Variants in COL15A1 observed in about 807,000 individuals in gnomAD.
COL15A1 encodes the protein collagen type XV alpha 1 chain.
COL15A1 carries 111 observed loss-of-function variants against 165.9 expected under a neutral mutation model. That is an observed-to-expected ratio of 0.67 (90% CI 0.57 to 0.78). The LOEUF is 0.78. COL15A1 is among the 30% of genes least tolerant of loss of function. The pLI is 0.00. For synonymous variants in COL15A1, 659 were observed against 674.8 expected (o/e 0.98, Z 0.36); for missense variants, 1,745 against 1,789.7 (o/e 0.98, Z 0.45).
Position 99,067,053 on chromosome 9 carries a change from A to G in COL15A1, c.3823A>G (p.Ile1275Val), listed in dbSNP as rs2118012386. 4.3e-6 allele frequency: 7 copies of G among 1,613,466 alleles called. No homozygotes were observed. The highest frequency in any genetic ancestry group is 5.1e-6 in the Non-Finnish European group (6 of 1,179,696). ...GAAAGCAGAGAGATACAGCCTTCCCATAGTGAACCTCAAGGTAAAAATAAA... is the reference window on the plus strand; with the variant it reads ...GAAAGCAGAGAGATACAGCCTTCCCGTAGTGAACCTCAAGGTAAAAATAAA... ...VRKAERYSLP[I>V]VNLKGQVLFN... The change falls in exon 40 of 42, where the codon ATA becomes GTA. Residue 1275 changes from isoleucine to valine, a missense_variant. Physicochemically the swap from Ile to Val is conservative, Grantham distance 29. Transcript: ENST00000375001.
Position 99,020,459 on chromosome 9 carries a change from T to A in COL15A1, c.1701+17T>A. 6.3e-7 allele frequency: 1 copy of A among 1,586,962 alleles called. No homozygotes were observed. The highest frequency in any genetic ancestry group is 8.7e-7 in the Non-Finnish European group (1 of 1,155,400). ...GGAGAAAAGGTTTGTGCTGTGACCATCCTGGGGAACACTTTGGCTCCTGAT... is the reference window on the plus strand; with the variant it reads ...GGAGAAAAGGTTTGTGCTGTGACCAACCTGGGGAACACTTTGGCTCCTGAT... On this transcript the variant is annotated intron_variant, in intron 12 of 41. Transcript: ENST00000375001.
intron 16 of COL15A1, among the ~76,000 whole-genome samples, chr9:99,033,625 A>C (rs1839245941): frequency 6.6e-6 from 1 of 152,154 alleles, no homozygotes. Context: ...CTTATTTTTG[A>C]GCACGGCTAT....
Position 99,013,083 on chromosome 9 carries a change from T to C in COL15A1, c.1354-2334T>C, listed in dbSNP as rs548749471. On this transcript the variant is annotated intron_variant, in intron 9 of 41. Transcript: ENST00000375001. The stretch of plus-strand genomic sequence containing the variant: ...AGTGGAGTGTGTCAAAGTGTGCTGG[T>C]TGCGGGTGAGACTCTACAGTGTGTC... 1.8e-4 allele frequency among the ~76,000 whole-genome samples: 27 copies of C among 152,234 alleles called. No homozygotes were observed. In the East Asian group the frequency reaches 4.8e-3, roughly 27 times the overall value.
intron 2 of COL15A1, among the ~76,000 whole-genome samples, chr9:98,974,938 G>A (rs1305713009): frequency 6.6e-6 from 1 of 151,730 alleles, no homozygotes; most frequent in East Asian, 1.9e-4. Context: ...TCTAGGCCTG[G>A]CTTGGCCAAA....
Position 99,034,027 on chromosome 9 carries a change from A to G in COL15A1, c.2044-522A>G, listed in dbSNP as rs535623015. Among the ~76,000 whole-genome samples, 6 of 152,198 alleles carry G rather than the reference A, an allele frequency of 3.9e-5. No individual in the cohort carries two copies. In the South Asian group the frequency reaches 1.2e-3, roughly 32 times the overall value. ...TGGGTGTGGACATGCAACCTGCCCTAATGCAACCTCCTCCCCAATTCTGTC... is the reference window on the plus strand; with the variant it reads ...TGGGTGTGGACATGCAACCTGCCCTGATGCAACCTCCTCCCCAATTCTGTC... On this transcript the variant is annotated intron_variant, in intron 16 of 41. Coordinates refer to ENST00000375001, the MANE Select transcript of COL15A1 (RefSeq NM_001855.5).
chr9:99,014,509 A>G (rs1369650452), intron 9 of COL15A1, among the ~76,000 whole-genome samples: 2 of 152,224 alleles, frequency 1.3e-5, no homozygotes, highest in Non-Finnish European at 2.9e-5. Context: ...AAATTGTCCT[A>G]TTGGTTTGAA....
chr9:99,020,554 A>T, intron 12 of COL15A1, 112 bp downstream of exon 12: 2 of 746,380 alleles, frequency 2.7e-6, no homozygotes, highest in Non-Finnish European at 4.7e-6. Context: ...AGAAGCAGCA[A>T]GAGGGCTAAG....
intron 2 of COL15A1, among the ~76,000 whole-genome samples, chr9:98,978,983 A>G (rs971127834): frequency 6.6e-6 from 1 of 152,124 alleles, no homozygotes; most frequent in African/African-American, 2.4e-5. Context: ...ACTGATAGCA[A>G]TTCACTTCTG....
At chr9:98,981,998 T>C (rs1387756006) in intron 2 of COL15A1, among the ~76,000 whole-genome samples, 1 of 152,156 alleles carries the variant, frequency 6.6e-6, no homozygotes, top group Non-Finnish European at 1.5e-5. Context: ...AGATGGTCTC[T>C]CTGTGTTGCC....
chr9:98,954,637 G>A (rs776143392), intron 2 of COL15A1, among the ~76,000 whole-genome samples: 6 of 152,176 alleles, frequency 3.9e-5, no homozygotes, highest in Non-Finnish European at 8.8e-5. Context: ...TGTATTTGAC[G>A]ACTTCTGCAA....
intron 2 of COL15A1, among the ~76,000 whole-genome samples, chr9:98,970,580 C>T (rs1470223010): frequency 2.6e-5 from 4 of 152,308 alleles, no homozygotes; most frequent in Admixed American, 6.5e-5. Flanking sequence ...TGTGGAAGGG[C>T]TTTCAATGAT....
chr9:99,066,891 G>C lies in COL15A1; in HGVS notation c.3661G>C (p.Ala1221Pro). The C allele has an allele frequency of 6.2e-7, 1 of 1,612,398 alleles. No homozygotes were observed. The highest frequency in any genetic ancestry group is 8.5e-7 in the Non-Finnish European group (1 of 1,179,382). ...GTCTCACATTTTTCAGCTGCATTTG[G>C]CTGCTCTGAACATGCCATTTTCTGG... is the stretch of plus-strand genomic sequence containing the variant. ...ANYEKPALHL[A>P]ALNMPFSGDI... The change falls in exon 40 of 42, where the codon GCT becomes CCT. Residue 1221 changes from alanine (A) to proline (P), a missense_variant. Transcript: ENST00000375001.
intron 31 of COL15A1, 92 bp from the exon 32 acceptor site, chr9:99,054,484 T>A (rs1175266886): frequency 8.6e-6 from 12 of 1,393,500 alleles, no homozygotes; most frequent in Admixed American, 2.7e-5. Context: ...CTTTGCTAAA[T>A]GAGCTTAGTT....
intron 2 of COL15A1, among the ~76,000 whole-genome samples, chr9:98,945,507 A>G (rs1254446530): frequency 1.3e-5 from 2 of 149,356 alleles, no homozygotes; most frequent in African/African-American, 4.9e-5. Context: ...CAGAAAGTCT[A>G]GGAAACAACC....
At chr9:99,044,211 A>G (rs1384844885) in intron 24 of COL15A1, among the ~76,000 whole-genome samples, 1 of 152,156 alleles carries the variant, frequency 6.6e-6, no homozygotes, top group African/African-American at 2.4e-5. Context: ...AGACAGGACC[A>G]CACTGGGGCT....
intron 2 of COL15A1, among the ~76,000 whole-genome samples, chr9:98,945,969 A>G (rs989729216): frequency 2.0e-5 from 3 of 152,210 alleles, no homozygotes; most frequent in African/African-American, 7.2e-5. Flanking sequence ...TAATGTAAAA[A>G]GGGAGGGCCA....
chr9:98,955,433 C>A (rs1837760062), intron 2 of COL15A1, among the ~76,000 whole-genome samples: 1 of 152,232 alleles, frequency 6.6e-6, no homozygotes, highest in Non-Finnish European at 1.5e-5. Context: ...TCTGACATGG[C>A]ACTAAATGGA....
chr9:98,988,655 G>A (rs565652502), intron 4 of COL15A1, among the ~76,000 whole-genome samples: 36 of 152,304 alleles, frequency 2.4e-4, no homozygotes, highest in Admixed American at 3.9e-4. Flanking sequence ...GGGCGCAGTA[G>A]CTCACGCCTG....
At chr9:99,043,184 A>G (rs117090055) in intron 24 of COL15A1, among the ~76,000 whole-genome samples, 2 of 151,758 alleles carry the variant, frequency 1.3e-5, no homozygotes, top group East Asian at 3.9e-4. Flanking sequence ...AATGGTCTCC[A>G]AGGAGGAGAG....
Sources: gnomAD v4.1 joint callset for allele counts (sites outside exome capture counted in the v4.1 genomes callset) on GRCh38, gnomAD v4.1.1 for gene constraint, MANE v1.5 for transcripts, NCBI Gene and HGNC (gene_info 2026-07-23, HGNC 2026-07-21) for gene names.